Variants in ACOT9 observed in about 807,000 individuals in gnomAD.
The protein encoded by ACOT9 is acyl-CoA thioesterase 9.
ACOT9 carries 34 observed loss-of-function variants against 39.7 expected under a neutral mutation model. That is an observed-to-expected ratio of 0.86 (90% CI 0.65 to 1.14). ACOT9 has a LOEUF of 1.14. Ranked by LOEUF, ACOT9 falls within the 50% of genes most tolerant of loss-of-function variation. ACOT9 has a pLI of 0.00. For missense variants in ACOT9, 313 were observed against 344.1 expected (o/e 0.91, Z 0.71); for synonymous variants, 110 against 120.5 (o/e 0.91, Z 0.57).
intron 8 of ACOT9, among the ~76,000 whole-genome samples, chrX:23,721,285 G>T (rs1929310398): frequency 9.1e-6 from 1 of 109,882 alleles, no homozygotes; most frequent in East Asian, 2.9e-4. Flanking sequence ...TAGAGACAGG[G>T]TTTCACCATA....
intron 1 of ACOT9, among the ~76,000 whole-genome samples, chrX:23,739,745 C>T (rs1930069015): frequency 9.1e-6 from 1 of 109,937 alleles, no homozygotes. Flanking sequence ...TGCAGTGAGC[C>T]ATGATCGCAC....
At chrX:23,708,886 T>C (rs1928798469) in intron 9 of ACOT9, among the ~76,000 whole-genome samples, 1 of 111,970 alleles carries the variant, frequency 8.9e-6, no homozygotes, top group African/African-American at 3.2e-5. Flanking sequence ...CAATGATTCA[T>C]GGGAAAAAAT....
intron 6 of ACOT9, among the ~76,000 whole-genome samples, chrX:23,723,725 T>A (rs1415528582): frequency 1.8e-5 from 2 of 111,157 alleles, no homozygotes; most frequent in East Asian, 5.6e-4. Context: ...TAAATACTTG[T>A]TGAGTAAGTG....
In ACOT9 at chrX:23,715,465, A is replaced by G. The variant is rs780245049; in HGVS notation, c.589-2257T>C. Among the ~76,000 whole-genome samples, 119 of 111,005 alleles carry G rather than the reference A, an allele frequency of 1.1e-3. No individual in the cohort carries two copies. In the South Asian group the frequency reaches 0.013, roughly 12 times the overall value. The stretch of plus-strand genomic sequence containing the variant: ...AGTCCTCTCTTGACAGTGGTTCTCA[A>G]TGTAAGAGAAGTAGATGTCACTCTA... On this transcript the variant is annotated intron_variant, in intron 8 of 15. Coordinates refer to ENST00000379303, the MANE Select transcript of ACOT9 (RefSeq NM_001037171.2).
Position 23,735,985 on chromosome X carries a change from G to C in ACOT9, c.52C>G (p.Pro18Ala), listed in dbSNP as rs1283144799. ...LCALGKGQLT[P>A]GRGLTQGPQN... ...GGTCCTTGAGTCAGTCCTCTTCCAGGAGTAAGCTGCCCTTTGCCCAAGGCA... is the reference window on the plus strand; with the variant it reads ...GGTCCTTGAGTCAGTCCTCTTCCAGCAGTAAGCTGCCCTTTGCCCAAGGCA... Residue 18 changes from proline to alanine, a missense_variant, in exon 2 of 16, where the codon CCT (proline) becomes GCT (alanine). Transcript: ENST00000379303. 3 of 1,209,996 alleles carry C rather than the reference G, an allele frequency of 2.5e-6. No individual in the cohort carries two copies. Among genetic ancestry groups the C allele is most frequent in the East Asian group, 3.0e-5 (1 of 33,743 alleles).
chrX:23,718,633 C>T (rs1405355458), intron 8 of ACOT9, among the ~76,000 whole-genome samples: 2 of 111,824 alleles, frequency 1.8e-5, no homozygotes, highest in East Asian at 5.6e-4. Context: ...AGGCCGGGCA[C>T]GGTGGCTCAC....
intron 8 of ACOT9, 148 bp from the exon 9 acceptor site, chrX:23,713,356 T>C (rs1928967760): frequency 2.3e-6 from 1 of 442,512 alleles, no homozygotes; most frequent in Admixed American, 4.1e-5. Flanking sequence ...GGTGGGAGGA[T>C]CACTTGAGGC....
chrX:23,720,122 C>A (rs867081443), intron 8 of ACOT9, among the ~76,000 whole-genome samples: 1 of 112,986 alleles, frequency 8.9e-6, no homozygotes, highest in South Asian at 3.5e-4. Flanking sequence ...CGTGAGCCAC[C>A]GCGCCCAGCC....
intron 6 of ACOT9, among the ~76,000 whole-genome samples, chrX:23,724,292 A>G (rs73209282): frequency 0.014 from 1,585 of 111,402 alleles, 13 homozygotes; most frequent in Non-Finnish European, 0.022. Context: ...GAAGAAAAGA[A>G]TGGGCCATTT....
intron 7 of ACOT9, 80 bp from the exon 8 acceptor site, chrX:23,722,064 G>T: frequency 1.6e-6 from 1 of 608,116 alleles, no homozygotes; most frequent in Non-Finnish European, 2.5e-6. Flanking sequence ...AGAAATTATG[G>T]CAAATTCCAC....
At chrX:23,736,122 T>C in intron 1 of ACOT9, 106 bp from the exon 2 acceptor site, 1 of 552,053 alleles carries the variant, frequency 1.8e-6, no homozygotes, top group Non-Finnish European at 2.8e-6. Context: ...CCTTAGTATA[T>C]ATTGTCTTGT....
chrX:23,726,793 A>T (rs1929541252), intron 6 of ACOT9, among the ~76,000 whole-genome samples: 1 of 110,250 alleles, frequency 9.1e-6, no homozygotes, highest in East Asian at 2.8e-4. Context: ...CAACCTCCTG[A>T]GTAGTTGGGA....
intron 6 of ACOT9, among the ~76,000 whole-genome samples, chrX:23,724,374 C>A (rs1390947151): frequency 8.9e-6 from 1 of 112,061 alleles, no homozygotes; most frequent in Admixed American, 9.5e-5. Context: ...GTTGTTCACA[C>A]CTGTAATCCT....
intron 4 of ACOT9, among the ~76,000 whole-genome samples, chrX:23,731,382 C>T (rs1234919280): frequency 9.3e-6 from 1 of 107,573 alleles, no homozygotes; most frequent in Non-Finnish European, 1.9e-5. Flanking sequence ...TAGGCTGAGG[C>T]AGGAGAATTG....
At chrX:23,725,226 T>G (rs748748135) in intron 6 of ACOT9, among the ~76,000 whole-genome samples, 4 of 110,323 alleles carry the variant, frequency 3.6e-5, no homozygotes, top group African/African-American at 9.9e-5. Flanking sequence ...ATCCCAGCAC[T>G]TTGGGAGGCC....
At chrX:23,732,146 A>G (rs1332161585) in intron 4 of ACOT9, among the ~76,000 whole-genome samples, 1 of 112,219 alleles carries the variant, frequency 8.9e-6, no homozygotes, top group Non-Finnish European at 1.9e-5. Context: ...AGGGAAGACT[A>G]AAGAGTCATA....
At chrX:23,730,490 T>C (rs925627099) in intron 6 of ACOT9, 37 bp downstream of exon 6, 2 of 1,070,776 alleles carry the variant, frequency 1.9e-6, no homozygotes, top group Admixed American at 2.2e-5. Flanking sequence ...TGTATATCTG[T>C]AGGTATCTAT....
chrX:23,713,853 G>A (rs929244772), intron 8 of ACOT9, among the ~76,000 whole-genome samples: 3 of 110,640 alleles, frequency 2.7e-5, no homozygotes, highest in Non-Finnish European at 3.8e-5. Flanking sequence ...GCAACATAGC[G>A]AGACCTGGTC....
rs753097973 is a variant in ACOT9, at chrX:23,718,001, T to C, written c.588+3880A>G. On this transcript the variant is annotated intron_variant, in intron 8 of 15. Coordinates refer to ENST00000379303, the MANE Select transcript of ACOT9 (RefSeq NM_001037171.2). The stretch of plus-strand genomic sequence containing the variant: ...TACTAGGGAGGCTGAGACAGGAGAA[T>C]TGCTTGAACCCAGGAGGCAGAGGCT... Among the ~76,000 whole-genome samples, 20 of 108,929 alleles carry C rather than the reference T, an allele frequency of 1.8e-4. No homozygotes were observed. In the South Asian group the frequency reaches 7.4e-3, roughly 40 times the overall value. 94.6% of individuals were successfully genotyped at this position (108,929 alleles called of 115,157 possible).
Sources: allele counts gnomAD v4.1 joint callset (sites outside exome capture counted in the v4.1 genomes callset), GRCh38; gene constraint gnomAD v4.1.1; transcripts MANE v1.5; gene names NCBI Gene and HGNC (gene_info 2026-07-23, HGNC 2026-07-21).